ANKRD27: variants seen among roughly 807,000 people sequenced by gnomAD.
The protein encoded by ANKRD27 is ankyrin repeat domain-containing protein 27.
ANKRD27 carries 112 observed loss-of-function variants against 129.7 expected under a neutral mutation model. The observed-to-expected ratio is 0.86, with a 90% CI of 0.74 to 1.01. The LOEUF (loss-of-function observed/expected upper bound fraction) is 1.01, where lower values mean the gene tolerates loss of function less well. Ranked by LOEUF, ANKRD27 falls within the 50% of genes least tolerant of loss-of-function variation. ANKRD27 has a pLI of 0.00. For synonymous variants in ANKRD27, 516 were observed against 511.2 expected, an observed-to-expected ratio of 1.01 and a Z score of -0.13; for missense variants, 1,258 against 1,300.5, an observed-to-expected ratio of 0.97 and a Z score of 0.50.
At position 32,643,499 on chromosome 19, in the gene ANKRD27, A is replaced by C; in HGVS notation, c.586-15T>G. 1 of 1,613,800 alleles carries C rather than the reference A, an allele frequency of 6.2e-7. No individual in the cohort carries two copies. Among genetic ancestry groups the C allele is most frequent in the Non-Finnish European group, 8.5e-7 (1 of 1,179,976 alleles). Reference sequence around the variant, plus strand: ...GCGAGCATTTTCTAGAGGGCAAGAAAAGCACAGTGAAAGGGCTTGGATTTG... The same window carrying C: ...GCGAGCATTTTCTAGAGGGCAAGAACAGCACAGTGAAAGGGCTTGGATTTG... On this transcript the variant is annotated splice_polypyrimidine_tract_variant and intron_variant, in intron 6 of 28. Transcript: ENST00000306065.
At position 32,632,656 on chromosome 19, in the gene ANKRD27, A is replaced by C. The variant is rs1019258693; in HGVS notation, c.1117-1162T>G. On this transcript the variant is annotated intron_variant, in intron 12 of 28. Coordinates refer to ENST00000306065, the MANE Select transcript of ANKRD27 (RefSeq NM_032139.3). ...ATACTTTATGAAATCATTTCTCGCAAGACAGTTCAATGCTTCCTTGAGCAC... is the reference window on the plus strand; with the variant it reads ...ATACTTTATGAAATCATTTCTCGCACGACAGTTCAATGCTTCCTTGAGCAC... Among the ~76,000 whole-genome samples the C allele has an allele frequency of 2.0e-5, 3 of 152,078 alleles. No homozygotes were observed. The East Asian group carries it at 5.8e-4, about 29-fold the overall frequency.
Position 32,648,823 on chromosome 19 carries a change from T to A in ANKRD27, c.213+859A>T, listed in dbSNP as rs1271364604. ...CAAAAAAAAAAAAAAAGATTCAAAATAATAATAATATGTGTTGAGAGACAG... is the reference window on the plus strand; with the variant it reads ...CAAAAAAAAAAAAAAAGATTCAAAAAAATAATAATATGTGTTGAGAGACAG... On this transcript the variant is annotated intron_variant, in intron 3 of 28. Coordinates refer to ENST00000306065, the MANE Select transcript of ANKRD27 (RefSeq NM_032139.3). Among the ~76,000 whole-genome samples, 5 of 150,662 alleles carry A rather than the reference T, an allele frequency of 3.3e-5. No individual in the cohort carries two copies. The East Asian group carries it at 7.8e-4, about 24-fold the overall frequency.
chr19:32,622,324 G>A (rs1972022511), intron 18 of ANKRD27, 98 bp downstream of exon 18: 4 of 1,313,642 alleles, frequency 3.0e-6, no homozygotes, highest in Admixed American at 3.5e-5. Context: ...TCTGCCCTCA[G>A]GCAATAATGC....
chr19:32,645,368 C>G (rs564667885), intron 4 of ANKRD27, among the ~76,000 whole-genome samples: 1 of 152,020 alleles, frequency 6.6e-6, no homozygotes, highest in East Asian at 1.9e-4. Flanking sequence ...GCCAAGATTG[C>G]GCCACTGCAC....
chr19:32,659,133 C>CTTTTTTT (rs200281838), intron 1 of ANKRD27, 88 bp from the exon 2 acceptor site: 3 of 331,138 alleles, frequency 9.1e-6, no homozygotes, highest in East Asian at 4.7e-5. Context: ...CTGGCATTTT[C>CTTTTTTT]TTTTTCTTTT....
chr19:32,666,128 G>A (rs926198634), intron 1 of ANKRD27, among the ~76,000 whole-genome samples: 2 of 152,140 alleles, frequency 1.3e-5, no homozygotes, highest in East Asian at 3.9e-4. Flanking sequence ...TGTCTTCTTC[G>A]ATGTCCTCCG....
At chr19:32,622,732 A>ATACTGTGACACTTCTG in intron 17 of ANKRD27, 113 bp from the exon 18 acceptor site, 1 of 945,856 alleles carries the variant, frequency 1.1e-6, no homozygotes, top group Non-Finnish European at 1.7e-6. Context: ...CAGAACTCAG[A>ATACTGTGACACTTCTG]AGTGTCACAG....
intron 5 of ANKRD27, 154 bp from the exon 6 acceptor site, chr19:32,643,785 T>C (rs979540121): frequency 5.6e-6 from 4 of 709,936 alleles, no homozygotes; most frequent in Admixed American, 2.4e-5. Flanking sequence ...TAGGTGTATA[T>C]GCATTAAAAG....
At chr19:32,622,353 C>T in intron 18 of ANKRD27, 69 bp downstream of exon 18, 1 of 1,556,558 alleles carries the variant, frequency 6.4e-7, no homozygotes, top group Non-Finnish European at 8.8e-7. Flanking sequence ...TCTAGTAGGC[C>T]AAGACCTAAG....
intron 8 of ANKRD27, 37 bp downstream of exon 8, chr19:32,643,250 A>C (rs76543986): frequency 0.017 from 27,636 of 1,613,842 alleles, 294 homozygotes; most frequent in Non-Finnish European, 0.02. Flanking sequence ...GCACAGAAGA[A>C]GGCTTCCATC....
chr19:32,646,881 A>G (rs1967314200), intron 3 of ANKRD27, among the ~76,000 whole-genome samples: 1 of 152,190 alleles, frequency 6.6e-6, no homozygotes, highest in African/African-American at 2.4e-5. Flanking sequence ...GCTGGAGTGC[A>G]GTGGTGCGAC....
intron 1 of ANKRD27, among the ~76,000 whole-genome samples, chr19:32,663,221 C>T (rs560044595): frequency 1.3e-5 from 2 of 152,258 alleles, no homozygotes; most frequent in Admixed American, 1.3e-4. Context: ...AGAGCGAGGC[C>T]TAGGTGGCCC....
In ANKRD27 at chr19:32,598,042, C is replaced by T; in HGVS notation, c.*103G>A. ...ACTTGGTGCTGAAGACTTCTCAAGC[C>T]AGTCTCATGGAAGCACATTTAGTTC... On this transcript the variant is annotated 3_prime_UTR_variant, in exon 29 of 29. Transcript: ENST00000306065. 9.1e-7 allele frequency: 1 copy of T among 1,104,128 alleles called. No homozygotes were observed. The highest frequency in any genetic ancestry group is 1.3e-6 in the Non-Finnish European group (1 of 745,830). The allele number at this position is 1,104,128 out of a possible 1,614,324, so 68.4% of individuals were successfully genotyped here. A position where few individuals can be genotyped will look rare whatever the true frequency, so the allele number is the denominator to read the frequency against.
chr19:32,658,345 A>G (rs1967581966), intron 2 of ANKRD27, among the ~76,000 whole-genome samples: 1 of 152,194 alleles, frequency 6.6e-6, no homozygotes, highest in Non-Finnish European at 1.5e-5. Flanking sequence ...TGCCCCCACC[A>G]TGACAGGCGA....
intron 25 of ANKRD27, among the ~76,000 whole-genome samples, chr19:32,602,631 G>A (rs1454675102): frequency 6.6e-6 from 1 of 151,916 alleles, no homozygotes; most frequent in Non-Finnish European, 1.5e-5. Flanking sequence ...GATGGCTCAC[G>A]CCTGTAATCT....
At chr19:32,640,221 C>A in intron 11 of ANKRD27, 86 bp downstream of exon 11, 1 of 1,105,066 alleles carries the variant, frequency 9.0e-7, no homozygotes, top group Non-Finnish European at 1.4e-6. Flanking sequence ...CCTTGGCCTC[C>A]CAAAGTGCTG....
chr19:32,658,561 C>T (rs1159983008), intron 2 of ANKRD27, among the ~76,000 whole-genome samples: 1 of 152,170 alleles, frequency 6.6e-6, no homozygotes, highest in Non-Finnish European at 1.5e-5. Context: ...TCGTAAGGCC[C>T]CAGGGAGCAC....
At chr19:32,598,956 G>A (rs1971610558) in intron 28 of ANKRD27, among the ~76,000 whole-genome samples, 1 of 152,160 alleles carries the variant, frequency 6.6e-6, no homozygotes, top group Admixed American at 6.6e-5. Context: ...TCCGATCACA[G>A]GTTTTCAATC....
Position 32,651,286 on chromosome 19 carries a change from C to G in ANKRD27, c.103-1494G>C, listed in dbSNP as rs540994517. 1.4e-4 allele frequency among the ~76,000 whole-genome samples: 22 copies of G among 152,218 alleles called. No homozygotes were observed. In the South Asian group the frequency reaches 3.5e-3, roughly 24 times the overall value. On this transcript the variant is annotated intron_variant, in intron 2 of 28. Coordinates refer to ENST00000306065, the MANE Select transcript of ANKRD27 (RefSeq NM_032139.3). ...ATGCTTGAAGTCAGAGATGGCCCCC[C>G]CTCCAGCTGCAGCATGAAGGACTCA...
Sources: gnomAD v4.1 joint callset for allele counts (sites outside exome capture counted in the v4.1 genomes callset) on GRCh38, gnomAD v4.1.1 for gene constraint, MANE v1.5 for transcripts, NCBI Gene and HGNC (gene_info 2026-07-23, HGNC 2026-07-21) for gene names.